Variants in CNST observed in about 807,000 individuals in gnomAD.
CNST encodes consortin, connexin sorting protein, also known as consortin.
A neutral mutation model predicts 72.4 loss-of-function variants in CNST; 39 were observed. The ratio of observed to expected loss-of-function variants is 0.54; its 90% CI spans 0.42 to 0.70. The LOEUF is 0.70. CNST is among the 30% of genes least tolerant of loss of function. The probability of loss-of-function intolerance (pLI) is 0.00; values close to 1 mark genes in which losing one functional copy is unlikely to be tolerated. For synonymous variants in CNST, 332 were observed against 320.1 expected, an observed-to-expected ratio of 1.04 and a Z score of -0.40; for missense variants, 871 against 868.5, an observed-to-expected ratio of 1.00 and a Z score of -0.04.
At chr1:246,643,439 G>T (rs1665850140) in intron 8 of CNST, among the ~76,000 whole-genome samples, 1 of 152,182 alleles carries the variant, frequency 6.6e-6, no homozygotes, top group Non-Finnish European at 1.5e-5. Context: ...AGCACCTTGG[G>T]AAAAGTGCTA....
At chr1:246,665,616 G>C in intron 10 of CNST, 84 bp from the exon 11 acceptor site, 2 of 1,124,172 alleles carry the variant, frequency 1.8e-6, no homozygotes, top group Non-Finnish European at 2.7e-6. Context: ...GAAATGTGTA[G>C]TTATCTTAAT....
At chr1:246,661,540 C>T (rs1667104806) in intron 10 of CNST, among the ~76,000 whole-genome samples, 1 of 152,198 alleles carries the variant, frequency 6.6e-6, no homozygotes, top group Admixed American at 6.5e-5. Flanking sequence ...AGCAGTTTTA[C>T]ACCATTGCTG....
chr1:246,660,321 T>C lies in CNST; in HGVS notation c.1959T>C (p.Asp653=), dbSNP rs1291332041. Reference sequence around the variant, plus strand: ...GAGTGAGATTCCAAGAAATAGACGATAGCTTGGATCAAGGTAAACCGCTTG... The same window carrying C: ...GAGTGAGATTCCAAGAAATAGACGACAGCTTGGATCAAGGTAAACCGCTTG... ...KRRVRFQEID[D]SLDQDEVGGG... The change falls in exon 10 of 11, where the codon GAT becomes GAC. Residue 653 remains aspartate, a synonymous_variant. Transcript: ENST00000366513. 2 of 1,613,740 alleles carry C rather than the reference T, an allele frequency of 1.2e-6. No homozygotes were observed. The highest frequency in any genetic ancestry group is 2.2e-5 in the South Asian group (2 of 90,966).
intron 2 of CNST, among the ~76,000 whole-genome samples, chr1:246,620,668 CGAT>C (rs1193207333): frequency 7.6e-6 from 1 of 131,612 alleles, no homozygotes; most frequent in Non-Finnish European, 1.6e-5. Context: ...TGCATACACA[CGAT>C]GGGCTCTGGG....
intron 9 of CNST, among the ~76,000 whole-genome samples, chr1:246,658,678 C>T (rs535109449): frequency 4.6e-5 from 7 of 152,328 alleles, no homozygotes; most frequent in Non-Finnish European, 1.0e-4. Context: ...AGATAAATGA[C>T]ATTAGAGGCC....
intron 2 of CNST, among the ~76,000 whole-genome samples, chr1:246,619,218 A>G (rs961716154): frequency 6.6e-6 from 1 of 151,972 alleles, no homozygotes; most frequent in African/African-American, 2.4e-5. Flanking sequence ...TCCTTTACCC[A>G]CATTGGTACC....
At chr1:246,597,395 C>T (rs1661961758) in intron 2 of CNST, among the ~76,000 whole-genome samples, 1 of 152,172 alleles carries the variant, frequency 6.6e-6, no homozygotes, top group African/African-American at 2.4e-5. Flanking sequence ...TCTTCCCTTC[C>T]CCAAGCGGTG....
chr1:246,648,419 G>A (rs946142049), intron 9 of CNST, among the ~76,000 whole-genome samples: 7 of 152,042 alleles, frequency 4.6e-5, no homozygotes, highest in East Asian at 3.8e-4. Context: ...AATATGATAT[G>A]TACTTACTGT....
chr1:246,586,048 C>G (rs1225043088), intron 1 of CNST, among the ~76,000 whole-genome samples: 1 of 150,374 alleles, frequency 6.7e-6, no homozygotes, highest in Non-Finnish European at 1.5e-5. Flanking sequence ...CCACTGCACT[C>G]CAGCCTGGGG....
chr1:246,602,106 A>G (rs951323075), intron 2 of CNST, among the ~76,000 whole-genome samples: 7 of 152,242 alleles, frequency 4.6e-5, no homozygotes, highest in Non-Finnish European at 7.3e-5. Context: ...GCTCTTTCCA[A>G]CAGACTGCAC....
Position 246,647,189 on chromosome 1 carries a change from G to T in CNST, c.988G>T (p.Val330Leu), listed in dbSNP as rs1315921372. Residue 330 changes from valine to leucine, a missense_variant, in exon 9 of 11, where the codon GTG (valine) becomes TTG (leucine). Transcript: ENST00000366513. Reference sequence around the variant, plus strand: ...GTCAAGTAAAGAAAGCCAACATACAGTGGAGCCCCTGGGGAGCAGTCCCTG... The same window carrying T: ...GTCAAGTAAAGAAAGCCAACATACATTGGAGCCCCTGGGGAGCAGTCCCTG... ...TESSKESQHT[V>L]EPLGSSPCCH... The T allele has an allele frequency of 3.1e-6, 5 of 1,614,122 alleles. No homozygotes were observed. The highest frequency in any genetic ancestry group is 2.5e-6 in the Non-Finnish European group (3 of 1,180,032).
At chr1:246,582,936 G>A (rs961632664) in intron 1 of CNST, among the ~76,000 whole-genome samples, 1 of 152,172 alleles carries the variant, frequency 6.6e-6, no homozygotes, top group African/African-American at 2.4e-5. Context: ...AAGGTGCCTG[G>A]GGCCAGCACT....
intron 4 of CNST, 72 bp downstream of exon 4, chr1:246,631,996 T>G (rs1572206811): frequency 1.1e-6 from 1 of 910,524 alleles, no homozygotes; most frequent in Admixed American, 2.3e-5. Context: ...TTAATTGAAG[T>G]ATATTTTACA....
chr1:246,647,027 T>C, intron 8 of CNST, 112 bp from the exon 9 acceptor site: 1 of 978,196 alleles, frequency 1.0e-6, no homozygotes, highest in Non-Finnish European at 1.5e-6. Context: ...AGAATTTCCA[T>C]TTGAAAGGGT....
chr1:246,591,628 T>A lies in CNST; in HGVS notation c.66T>A (p.Gly22=), dbSNP rs1288618773. 1.9e-6 allele frequency: 3 copies of A among 1,614,096 alleles called. No homozygotes were observed. Among genetic ancestry groups the A allele is most frequent in the Admixed American group, 3.3e-5 (2 of 59,998 alleles). The change falls in exon 2 of 11, where the codon GGT becomes GGA. Residue 22 remains glycine (G), a synonymous_variant. Transcript: ENST00000366513. ...AACCACAAGATGGATGTCATCCTGG[T>A]GACAGCGTGGAAAGGAGTGTGACCT... The part of the protein sequence containing the change: ...QIEPQDGCHP[G]DSVERSVTCL...
At chr1:246,622,881 C>T (rs1346357030) in intron 3 of CNST, among the ~76,000 whole-genome samples, 3 of 152,006 alleles carry the variant, frequency 2.0e-5, no homozygotes, top group Admixed American at 6.6e-5. Context: ...TGGAGTGCAG[C>T]GGCATGATCT....
chr1:246,648,220 T>C, intron 9 of CNST, 183 bp downstream of exon 9: 1 of 1,386,638 alleles, frequency 7.2e-7, no homozygotes, highest in Non-Finnish European at 9.3e-7. Context: ...AAATGACTTT[T>C]AATCATTGCA....
intron 1 of CNST, among the ~76,000 whole-genome samples, chr1:246,583,876 A>G (rs1225263042): frequency 6.6e-6 from 1 of 152,246 alleles, no homozygotes; most frequent in East Asian, 1.9e-4. Context: ...ATAATTTTTC[A>G]AGATAAGAAA....
Position 246,668,352 on chromosome 1 carries a change from A to G in CNST, c.*2447A>G, listed in dbSNP as rs934359899. 5.9e-5 allele frequency: 9 copies of G among 152,224 alleles called. No individual in the cohort carries two copies. The East Asian group carries it at 1.2e-3, about 20-fold the overall frequency. The allele number at this position is 152,224 out of a possible 1,614,324, so 9.4% of individuals were successfully genotyped here. A position where few individuals can be genotyped will look rare whatever the true frequency, so the allele number is the denominator to read the frequency against. On this transcript the variant is annotated 3_prime_UTR_variant, in exon 11 of 11. Coordinates refer to ENST00000366513, the MANE Select transcript of CNST (RefSeq NM_152609.3). ...AATCTGTACCAACAAAGTGTCTCAGAGAGTTTATTTGAACCATTGGGTGCT... is the reference window on the plus strand; with the variant it reads ...AATCTGTACCAACAAAGTGTCTCAGGGAGTTTATTTGAACCATTGGGTGCT...
Sources: gnomAD v4.1 joint callset for allele counts (sites outside exome capture counted in the v4.1 genomes callset) on GRCh38, gnomAD v4.1.1 for gene constraint, MANE v1.5 for transcripts, NCBI Gene and HGNC (gene_info 2026-07-23, HGNC 2026-07-21) for gene names.